SUN5: variants seen among roughly 807,000 people sequenced by gnomAD.
SUN5 encodes the protein Sad1 and UNC84 domain containing 5.
Under a neutral mutation model 53.7 loss-of-function variants are expected in SUN5, and 44 were observed. The ratio of observed to expected loss-of-function variants is 0.82; its 90% confidence interval spans 0.64 to 1.05. The LOEUF (loss-of-function observed/expected upper bound fraction) is 1.05, where lower values mean the gene tolerates loss of function less well. SUN5 is among the 50% of genes least tolerant of loss of function. The pLI is 0.00. For synonymous variants in SUN5, 166 were observed against 179.8 expected (o/e 0.92, Z 0.62); for missense variants, 433 against 483.8 (o/e 0.90, Z 0.98).
intron 10 of SUN5, 79 bp from the exon 11 acceptor site, chr20:32,985,982 G>A (rs2146322597): frequency 6.7e-7 from 1 of 1,484,428 alleles, no homozygotes. Flanking sequence ...GTACTTCCTG[G>A]GACCTCCTGG....
chr20:32,985,759 C>T lies in SUN5; in HGVS notation c.874G>A (p.Ala292Thr), dbSNP rs376507648. 68 of 1,613,870 alleles carry T rather than the reference C, an allele frequency of 4.2e-5. No individual in the cohort carries two copies. The highest frequency in any genetic ancestry group is 5.3e-5 in the Non-Finnish European group (63 of 1,179,936). The change falls in exon 11 of 13, where the codon GCC (alanine) becomes ACC (threonine). Residue 292 changes from alanine (A) to threonine (T), a missense_variant. Ala to Thr is a moderately conservative substitution (Grantham distance 58). Coordinates refer to ENST00000356173, the MANE Select transcript of SUN5 (RefSeq NM_080675.4). ...TISLSGSLDT[A>T]PKDFVIYGME... ...ACATAGATGACGAAGTCCTTGGGGGCGGTGTCCAGGCTGCCTGACAATGAG... is the reference window on the plus strand; with the variant it reads ...ACATAGATGACGAAGTCCTTGGGGGTGGTGTCCAGGCTGCCTGACAATGAG...
rs199513550 is a variant in SUN5 at position 33,001,278 on chromosome 20, G to T, written c.212C>A (p.Ser71Tyr). Residue 71 changes from serine (S) to tyrosine (Y), a missense_variant and splice_region_variant, in exon 4 of 13, where the codon TCC becomes TAC. Physicochemically the swap from Ser to Tyr is moderately radical, Grantham distance 144. Coordinates refer to ENST00000356173, the MANE Select transcript of SUN5 (RefSeq NM_080675.4). ...GLTQCMLGCV[S>Y]WFTCFACSLR... ...GGAGCAGGCAAAACAGGTGAACCAG[G>T]CTGCACGGGAGACAGAAAAGCAGTG... 6.4e-7 allele frequency: 1 copy of T among 1,572,170 alleles called. No homozygotes were observed. Among genetic ancestry groups the T allele is most frequent in the African/African-American group, 1.3e-5 (1 of 74,176 alleles).
At chr20:32,997,282 G>C (rs1989878222) in intron 6 of SUN5, among the ~76,000 whole-genome samples, 2 of 152,152 alleles carry the variant, frequency 1.3e-5, no homozygotes, top group African/African-American at 2.4e-5. Context: ...AAGCAAATGA[G>C]TATCATTGCT....
intron 5 of SUN5, among the ~76,000 whole-genome samples, chr20:32,999,592 A>G (rs1324870058): frequency 6.6e-6 from 1 of 152,180 alleles, no homozygotes; most frequent in Non-Finnish European, 1.5e-5. Context: ...CTCTGTCTCA[A>G]CAACAACAAA....
intron 7 of SUN5, among the ~76,000 whole-genome samples, chr20:32,995,942 C>G (rs151221333): frequency 0.032 from 4,822 of 152,190 alleles, 104 homozygotes; most frequent in Non-Finnish European, 0.048. Flanking sequence ...CAGCTCATTC[C>G]TTCCAAATAT....
intron 8 of SUN5, among the ~76,000 whole-genome samples, chr20:32,990,757 C>A (rs368106112): frequency 1.2e-4 from 18 of 152,296 alleles, no homozygotes; most frequent in African/African-American, 4.3e-4. Flanking sequence ...TGTAGAGTCA[C>A]CTCCAGCCTT....
At chr20:32,995,845 T>TTGGGTCCAGGGA in intron 7 of SUN5, 118 bp from the exon 8 acceptor site, 1 of 887,540 alleles carries the variant, frequency 1.1e-6, no homozygotes, top group Non-Finnish European at 1.9e-6. Context: ...TCCTAATCTC[T>TTGGGTCCAGGGA]TGGGCCCATC....
At chr20:32,984,818 G>A (rs962030610) in intron 12 of SUN5, among the ~76,000 whole-genome samples, 28 of 152,228 alleles carry the variant, frequency 1.8e-4, no homozygotes, top group African/African-American at 6.8e-4. Context: ...GGAACCTCTT[G>A]CTCAGCGTCT....
chr20:32,987,560 C>T, intron 10 of SUN5, 100 bp downstream of exon 10: 1 of 750,870 alleles, frequency 1.3e-6, no homozygotes, highest in Non-Finnish European at 2.1e-6. Context: ...TGCCCCCACT[C>T]CCTTTGCTCC....
intron 6 of SUN5, among the ~76,000 whole-genome samples, chr20:32,996,886 A>C (rs369445418): frequency 1.2e-4 from 18 of 152,212 alleles, no homozygotes; most frequent in African/African-American, 4.3e-4. Context: ...CTCTCCATGC[A>C]CACTCCCATC....
chr20:32,984,013 G>A, intron 12 of SUN5, 64 bp from the exon 13 acceptor site: 1 of 1,436,048 alleles, frequency 7.0e-7, no homozygotes, highest in Non-Finnish European at 9.2e-7. Flanking sequence ...TTCCAAAGGT[G>A]GGGAGTGGAA....
At position 32,999,984 on chromosome 20, in the gene SUN5, GGCAGT is replaced by G; in HGVS notation, c.340+85_340+89del. The G allele has an allele frequency of 5.1e-6, 8 of 1,562,570 alleles. No individual in the cohort carries two copies. The South Asian group carries it at 9.4e-5, about 18-fold the overall frequency. ...GGCAGATGGGGAAACTGAGTCACGTGGCAGTGCAGTGTCTTGCCCAGTGTCCTATA... is the reference window on the plus strand; with the variant it reads ...GGCAGATGGGGAAACTGAGTCACGTGGCAGTGTCTTGCCCAGTGTCCTATA... On this transcript the variant is annotated intron_variant, in intron 5 of 12. Coordinates refer to ENST00000356173, the MANE Select transcript of SUN5 (RefSeq NM_080675.4).
At chr20:32,988,356 G>A (rs111903020) in intron 9 of SUN5, among the ~76,000 whole-genome samples, 22 of 152,246 alleles carry the variant, frequency 1.4e-4, no homozygotes, top group African/African-American at 4.6e-4. Context: ...GTGCTGCCTG[G>A]TAGGGGTTTG....
At chr20:32,987,178 G>A (rs2146323750) in intron 10 of SUN5, among the ~76,000 whole-genome samples, 1 of 152,332 alleles carries the variant, frequency 6.6e-6, no homozygotes, top group Middle Eastern at 3.4e-3. Flanking sequence ...CTGGAGGGCT[G>A]AAGAGCTCAG....
chr20:33,004,195 G>A, intron 1 of SUN5, 69 bp downstream of exon 1: 1 of 1,455,632 alleles, frequency 6.9e-7, no homozygotes. Flanking sequence ...CATCTCCAAG[G>A]ACAGGGTGGA....
chr20:32,993,857 C>T (rs937391700), intron 8 of SUN5, among the ~76,000 whole-genome samples: 1 of 152,152 alleles, frequency 6.6e-6, no homozygotes, highest in Non-Finnish European at 1.5e-5. Flanking sequence ...GATGCAGGCA[C>T]GTGGGCCGTG....
At chr20:32,998,463 C>CA (rs1176816907) in intron 5 of SUN5, among the ~76,000 whole-genome samples, 2 of 152,000 alleles carry the variant, frequency 1.3e-5, no homozygotes, top group African/African-American at 2.4e-5. Flanking sequence ...GACTCTGTCT[C>CA]AAAAAACCCC....
chr20:32,988,645 G>A (rs1471244605), intron 9 of SUN5, among the ~76,000 whole-genome samples: 1 of 151,944 alleles, frequency 6.6e-6, no homozygotes, highest in Non-Finnish European at 1.5e-5. Context: ...CTGGAGTGCA[G>A]TGGCGCGATC....
chr20:33,001,665 CCCTT>C lies in SUN5; in HGVS notation c.212-391_212-388del, dbSNP rs775428516. On this transcript the variant is annotated intron_variant, in intron 3 of 12. Transcript: ENST00000356173. ...TTCCTCCCTCCCTCCCTCCCTCCCT[CCCTT>C]CCTTCCTTCTTTCCTTTTTGACAGA... Among the ~76,000 whole-genome samples, 16 of 109,474 alleles carry C rather than the reference CCCTT, an allele frequency of 1.5e-4. No individual in the cohort carries two copies. The East Asian group carries it at 1.6e-3, about 11-fold the overall frequency. The allele number at this position is 109,474 out of a possible 152,430, so 71.8% of individuals were successfully genotyped here. A position where few individuals can be genotyped will look rare whatever the true frequency, so the allele number is the denominator to read the frequency against.
Sources: allele counts gnomAD v4.1 joint callset (sites outside exome capture counted in the v4.1 genomes callset), GRCh38; gene constraint gnomAD v4.1.1; transcripts MANE v1.5; gene names NCBI Gene and HGNC (gene_info 2026-07-23, HGNC 2026-07-21).